Variants in NOX4 observed in about 807,000 individuals in gnomAD.
NOX4 encodes kidney oxidase-1.
A neutral mutation model predicts 87.6 loss-of-function variants in NOX4; 69 were observed. That is an observed-to-expected ratio of 0.79 (90% confidence interval 0.65 to 0.96). The LOEUF (loss-of-function observed/expected upper bound fraction) is 0.96, where lower values mean the gene tolerates loss of function less well. Ranked by LOEUF, NOX4 falls within the 40% of genes least tolerant of loss-of-function variation. The pLI is 0.00. For missense variants in NOX4, 680 were observed against 681.5 expected, an observed-to-expected ratio of 1.00 and a Z score of 0.02; for synonymous variants, 275 against 238.2, an observed-to-expected ratio of 1.15 and a Z score of -1.42.
At chr11:89,533,606 C>A in the NOX4 span, 2 of 148,354 alleles carry the variant, frequency 1.3e-5, no homozygotes, top group African/African-American at 4.9e-5. Flanking sequence ...AACTAAAATT[C>A]TTTTCTGTTA....
the NOX4 span, among the ~76,000 whole-genome samples, chr11:89,523,186 G>T: frequency 6.6e-6 from 1 of 151,998 alleles, no homozygotes; most frequent in African/African-American, 2.4e-5. Flanking sequence ...ACCAAACCTG[G>T]CTAATTTTTG....
At chr11:89,540,578 G>A in the NOX4 span, among the ~76,000 whole-genome samples, 5 of 151,718 alleles carry the variant, frequency 3.3e-5, no homozygotes, top group Non-Finnish European at 5.9e-5. Context: ...ACGAGGTCAG[G>A]AGATCCAGAC....
the NOX4 span, among the ~76,000 whole-genome samples, chr11:89,587,418 A>G: frequency 2.0e-5 from 3 of 152,176 alleles, no homozygotes; most frequent in Non-Finnish European, 4.4e-5. Context: ...CAAAAGTTAT[A>G]ATGAGTTTAT....
At chr11:89,387,360 C>T (rs1374550876) in intron 11 of NOX4, among the ~76,000 whole-genome samples, 5 of 151,870 alleles carry the variant, frequency 3.3e-5, no homozygotes, top group African/African-American at 9.7e-5. Flanking sequence ...CCTTGTGACC[C>T]CCATCCCTGC....
chr11:89,508,071 C>G, the NOX4 span, among the ~76,000 whole-genome samples: 1 of 152,004 alleles, frequency 6.6e-6, no homozygotes, highest in Non-Finnish European at 1.5e-5. Flanking sequence ...AATAAATAAA[C>G]ATGCTTTTAA....
Position 89,474,958 on chromosome 11 carries a change from T to C in NOX4, c.153+15500A>G, listed in dbSNP as rs11820291. On this transcript the variant is annotated intron_variant, in intron 2 of 17. Coordinates refer to ENST00000263317, the MANE Select transcript of NOX4 (RefSeq NM_016931.5). ...GGGGTATTCTACACAATGATGTTTT[T>C]CATTGCAGTTTATAAGTCAGTAAAT... is the stretch of plus-strand genomic sequence containing the variant. Among the ~76,000 whole-genome samples the C allele has an allele frequency of 8.5e-3, 1,246 of 147,368 alleles. 21 individuals carry two copies. The highest frequency in any genetic ancestry group is 0.028 in the African/African-American group (1,147 of 41,210).
the NOX4 span, among the ~76,000 whole-genome samples, chr11:89,506,405 C>T: frequency 4.6e-5 from 7 of 151,594 alleles, no homozygotes; most frequent in African/African-American, 1.4e-4. Flanking sequence ...TATTTTCATC[C>T]ATATCTTACA....
intron 12 of NOX4, among the ~76,000 whole-genome samples, chr11:89,365,455 GAA>G (rs11337701): frequency 0.11 from 15,651 of 147,398 alleles, 2,719 homozygotes; most frequent in African/African-American, 0.36. Flanking sequence ...AAGAGGGTGG[GAA>G]AAAAAAAAAC....
At chr11:89,411,839 C>G (rs1942494647) in intron 8 of NOX4, among the ~76,000 whole-genome samples, 1 of 151,954 alleles carries the variant, frequency 6.6e-6, no homozygotes, top group Non-Finnish European at 1.5e-5. Context: ...CATAGAATGT[C>G]AATGAAATAA....
At chr11:89,339,717 T>C (rs1182194779) in intron 15 of NOX4, among the ~76,000 whole-genome samples, 1 of 152,138 alleles carries the variant, frequency 6.6e-6, no homozygotes, top group Non-Finnish European at 1.5e-5. Flanking sequence ...AGCAGGAGCC[T>C]TCTGGTATTT....
At chr11:89,481,129 G>A (rs1946374360) in intron 2 of NOX4, among the ~76,000 whole-genome samples, 1 of 151,996 alleles carries the variant, frequency 6.6e-6, no homozygotes, top group Non-Finnish European at 1.5e-5. Context: ...ACCCTTGTGA[G>A]CACTGAAATA....
intron 11 of NOX4, among the ~76,000 whole-genome samples, chr11:89,397,058 A>G (rs556708256): frequency 3.9e-5 from 6 of 152,282 alleles, no homozygotes; most frequent in African/African-American, 1.4e-4. Flanking sequence ...AATTGACCAC[A>G]TAGCTGGAAG....
At chr11:89,561,459 C>T in the NOX4 span, among the ~76,000 whole-genome samples, 8 of 152,000 alleles carry the variant, frequency 5.3e-5, no homozygotes, top group South Asian at 4.1e-4. Flanking sequence ...TATCTTACAG[C>T]GCTGCTGTGA....
At chr11:89,394,335 T>C (rs888199263) in intron 11 of NOX4, among the ~76,000 whole-genome samples, 2 of 136,720 alleles carry the variant, frequency 1.5e-5, no homozygotes, top group African/African-American at 6.0e-5. Context: ...TTTGTTTATG[T>C]TGAAAAATAG....
intron 7 of NOX4, among the ~76,000 whole-genome samples, chr11:89,426,921 C>A (rs1053923752): frequency 6.6e-6 from 1 of 152,202 alleles, no homozygotes; most frequent in African/African-American, 2.4e-5. Context: ...GACAGACTGC[C>A]TCCTCAAGTA....
chr11:89,356,364 C>T (rs1392899852), intron 12 of NOX4, among the ~76,000 whole-genome samples: 1 of 145,842 alleles, frequency 6.9e-6, no homozygotes, highest in Non-Finnish European at 1.5e-5. Flanking sequence ...TAGTAAACTT[C>T]AGTGCATATG....
At chr11:89,520,526 T>A in the NOX4 span, among the ~76,000 whole-genome samples, 1 of 152,030 alleles carries the variant, frequency 6.6e-6, no homozygotes, top group African/African-American at 2.4e-5. Flanking sequence ...TGAATGTGGA[T>A]CTTTAAAAAT....
At chr11:89,417,822 A>T (rs1446249623) in intron 8 of NOX4, among the ~76,000 whole-genome samples, 1 of 152,096 alleles carries the variant, frequency 6.6e-6, no homozygotes, top group East Asian at 1.9e-4. Flanking sequence ...CCAAGACAAC[A>T]CTATGATATA....
At chr11:89,589,245 C>T in the NOX4 span, among the ~76,000 whole-genome samples, 3 of 152,108 alleles carry the variant, frequency 2.0e-5, no homozygotes, top group Admixed American at 1.3e-4. Context: ...CGTTCCCCAC[C>T]TTCACTTTCA....
Sources: allele counts gnomAD v4.1 joint callset (sites outside exome capture counted in the v4.1 genomes callset), GRCh38; gene constraint gnomAD v4.1.1; transcripts MANE v1.5; gene names NCBI Gene and HGNC (gene_info 2026-07-23, HGNC 2026-07-21).